Variants in MUC3A observed in about 807,000 individuals in gnomAD.
MUC3A encodes mucin 3A, cell surface associated.
A neutral mutation model predicts 109.0 loss-of-function variants in MUC3A; 109 were observed. The observed-to-expected ratio is 1.00, with a 90% CI of 0.86 to 1.17. The LOEUF (loss-of-function observed/expected upper bound fraction) is 1.17, where lower values mean the gene tolerates loss of function less well. Among genes scored for constraint, MUC3A ranks in the 50% most tolerant of loss-of-function variants. The pLI is 0.00. For missense variants in MUC3A, 3,537 were observed against 2,469.4 expected, an observed-to-expected ratio of 1.43 and a Z score of -9.16; for synonymous variants, 1,398 against 981.4, an observed-to-expected ratio of 1.42 and a Z score of -7.93.
Position 100,966,381 on chromosome 7 carries a change from C to G in MUC3A, c.9612-5C>G, listed in dbSNP as rs1193500021. ...AAGAGGGTCTGACCCTGCGATCTCC[C>G]GCAGCTGCTACTCCACCGACACGCA... On this transcript the variant is annotated splice_polypyrimidine_tract_variant and splice_region_variant and intron_variant, in intron 8 of 11. Coordinates refer to ENST00000379458, the MANE Select transcript of MUC3A (RefSeq NM_005960.2). 2 of 1,328,634 alleles carry G rather than the reference C, an allele frequency of 1.5e-6. No individual in the cohort carries two copies. The highest frequency in any genetic ancestry group is 1.5e-5 in the African/African-American group (1 of 66,602). 82.3% of individuals were successfully genotyped at this position (1,328,634 alleles called of 1,614,324 possible).
chr7:100,964,039 G>C (rs1792434961), intron 5 of MUC3A: 3 of 588,300 alleles, frequency 5.1e-6, no homozygotes, highest in East Asian at 2.9e-5. Context: ...GCTGGCCCCT[G>C]CTCTACTGAG....
intron 8 of MUC3A, 167 bp downstream of exon 8, chr7:100,966,033 C>T: frequency 2.5e-6 from 2 of 803,982 alleles, no homozygotes; most frequent in Non-Finnish European, 3.2e-6. Context: ...GGAGCCCTGC[C>T]CTGGAGCTCT....
chr7:100,960,847 A>T lies in MUC3A; in HGVS notation c.8962A>T (p.Asn2988Tyr), dbSNP rs371172036. Residue 2988 changes from asparagine to tyrosine, a missense_variant, in exon 3 of 12, where the codon AAT becomes TAT. By Grantham distance (143) the Asn-to-Tyr change is moderately radical. Coordinates refer to ENST00000379458, the MANE Select transcript of MUC3A (RefSeq NM_005960.2). ...CTGTCAGCTCCAGACCAGATGCCAG[A>T]ATGGGGGTCAGTGGGATGGCCTCAA... ...DRCQLQTRCQ[N>Y]GGQWDGLKCQ... 6.3e-7 allele frequency: 1 copy of T among 1,598,414 alleles called. No individual in the cohort carries two copies. Among genetic ancestry groups the T allele is most frequent in the Non-Finnish European group, 8.5e-7 (1 of 1,179,812 alleles).
At chr7:100,963,948 T>G in intron 5 of MUC3A, 196 bp downstream of exon 5, 1 of 718,882 alleles carries the variant, frequency 1.4e-6, no homozygotes, top group Non-Finnish European at 2.3e-6. Context: ...GGCACCTCTC[T>G]TCTTCAGCAC....
chr7:100,960,802 C>G lies in MUC3A; in HGVS notation c.8917C>G (p.Pro2973Ala). 1 of 1,598,532 alleles carries G rather than the reference C, an allele frequency of 6.3e-7. No individual in the cohort carries two copies. The highest frequency in any genetic ancestry group is 8.5e-7 in the Non-Finnish European group (1 of 1,179,816). Residue 2973 changes from proline (P) to alanine (A), a missense_variant, in exon 3 of 12, where the codon CCG (proline) becomes GCG (alanine). Coordinates refer to ENST00000379458, the MANE Select transcript of MUC3A (RefSeq NM_005960.2). ...TWEQGQCACL[P>A]GFSGDRCQLQ... ...GGAACAGGGCCAGTGTGCTTGCCTT[C>G]CGGGGTTTTCTGGGGACCGCTGTCA...
Position 100,958,927 on chromosome 7 carries a change from A to T in MUC3A, c.7148A>T (p.Glu2383Val). The T allele has an allele frequency of 5.9e-6, 9 of 1,533,008 alleles. No homozygotes were observed. Among genetic ancestry groups the T allele is most frequent in the South Asian group, 1.1e-5 (1 of 88,234 alleles). The allele number at this position is 1,533,008 out of a possible 1,614,324, so 95.0% of individuals were successfully genotyped here. A position where few individuals can be genotyped will look rare whatever the true frequency, so the allele number is the denominator to read the frequency against. Residue 2383 changes from glutamate to valine, a missense_variant, in exon 2 of 12, where the codon GAG becomes GTG. Glu to Val is a moderately radical substitution (Grantham distance 121, BLOSUM62 -2). Coordinates refer to ENST00000379458, the MANE Select transcript of MUC3A (RefSeq NM_005960.2). ...PSFSSSITTT[E>V]TPLHSTPGLT... The stretch of plus-strand genomic sequence containing the variant: ...TTCAGTTCTTCAATCACCACCACTG[A>T]GACCCCCTTACACAGTACTCCTGGC...
rs894613237 is a variant in MUC3A, at chr7:100,967,750, C to G, written c.*588C>G. On this transcript the variant is annotated 3_prime_UTR_variant, in exon 12 of 12. Coordinates refer to ENST00000379458, the MANE Select transcript of MUC3A (RefSeq NM_005960.2). ...TCCCCTTTTGACCCCGTTCCTTCATCCATCCTGCACCCCAGTCCCCCAGCC... is the reference window on the plus strand; with the variant it reads ...TCCCCTTTTGACCCCGTTCCTTCATGCATCCTGCACCCCAGTCCCCCAGCC... 3.2e-5 allele frequency: 6 copies of G among 187,204 alleles called. No individual in the cohort carries two copies. Among genetic ancestry groups the G allele is most frequent in the Non-Finnish European group, 5.6e-5 (5 of 89,854 alleles). 11.6% of individuals were successfully genotyped at this position (187,204 alleles called of 1,614,324 possible).
rs1241436237 is a variant in MUC3A at position 100,960,346 on chromosome 7, C to T, written c.8567C>T (p.Pro2856Leu). Residue 2856 changes from proline (P) to leucine (L), a missense_variant, in exon 2 of 12, where the codon CCC becomes CTC. Transcript: ENST00000379458. ...ASSSTGTGTVPTNTVFTSTRL... is the reference protein window; with the variant it reads ...ASSSTGTGTVLTNTVFTSTRL... ...AGTTCCACTGGCACTGGGACTGTAC[C>T]CACAAACACAGTTTTCACAAGTACT... is the stretch of plus-strand genomic sequence containing the variant. The T allele has an allele frequency of 2.5e-6, 4 of 1,598,430 alleles. No homozygotes were observed. The African/African-American group carries it at 4.0e-5, about 16-fold the overall frequency.
At position 100,957,628 on chromosome 7, in the gene MUC3A, C is replaced by T; in HGVS notation, c.5849C>T (p.Thr1950Ile). 1 of 1,564,510 alleles carries T rather than the reference C, an allele frequency of 6.4e-7. No individual in the cohort carries two copies. Among genetic ancestry groups the T allele is most frequent in the Non-Finnish European group, 8.6e-7 (1 of 1,162,468 alleles). Residue 1950 changes from threonine (T) to isoleucine (I), a missense_variant, in exon 2 of 12, where the codon ACC becomes ATC. Thr to Ile is a moderately conservative substitution (Grantham distance 89). Transcript: ENST00000379458. ...RFTSSITNTKTTSHSSPSFTS... is the reference protein window; with the variant it reads ...RFTSSITNTKITSHSSPSFTS... ...ACTTCTTCAATCACCAATACCAAGACCACCTCACACAGCTCTCCCAGCTTC... is the reference window on the plus strand; with the variant it reads ...ACTTCTTCAATCACCAATACCAAGATCACCTCACACAGCTCTCCCAGCTTC...
chr7:100,950,210 C>T (rs1170607561), intron 1 of MUC3A, among the ~76,000 whole-genome samples: 9 of 152,300 alleles, frequency 5.9e-5, no homozygotes, highest in African/African-American at 1.9e-4. Context: ...CCGTCACTCT[C>T]TTACCCCGGC....
chr7:100,959,735 C>G lies in MUC3A; in HGVS notation c.7956C>G (p.Leu2652=), dbSNP rs1792250634. 1.9e-6 allele frequency: 3 copies of G among 1,598,512 alleles called. No homozygotes were observed. Among genetic ancestry groups the G allele is most frequent in the Non-Finnish European group, 2.5e-6 (3 of 1,179,796 alleles). ...TPSTPSLQTS[L]TSTSEFTTES... ...CTACTCCCTCATTGCAAACTTCACT[C>G]ACATCTACAAGTGAGTTCACTACAG... Residue 2652 remains leucine (L), a synonymous_variant, in exon 2 of 12, where the codon CTC becomes CTG. Coordinates refer to ENST00000379458, the MANE Select transcript of MUC3A (RefSeq NM_005960.2).
chr7:100,964,191 C>G (rs1312212445), intron 5 of MUC3A: 12 of 277,412 alleles, frequency 4.3e-5, no homozygotes, highest in African/African-American at 2.4e-4. Flanking sequence ...AATCCTAGCA[C>G]TTTGGGTAGG....
rs780303854 is a variant in MUC3A, at chr7:100,959,820, A to C, written c.8041A>C (p.Ile2681Leu). ...NAILTSFSTIIWSSTPTIIMS... is the reference protein window; with the variant it reads ...NAILTSFSTILWSSTPTIIMS... ...AATCTTGACTTCTTTTAGTACCATC[A>C]TCTGGTCCTCAACACCCACTATTAT... Residue 2681 changes from isoleucine (I) to leucine (L), a missense_variant, in exon 2 of 12, where the codon ATC (isoleucine) becomes CTC (leucine). Transcript: ENST00000379458. 1.3e-6 allele frequency: 2 copies of C among 1,584,942 alleles called. No homozygotes were observed. The highest frequency in any genetic ancestry group is 1.7e-6 in the Non-Finnish European group (2 of 1,173,144).
chr7:100,959,534 G>A lies in MUC3A; in HGVS notation c.7755G>A (p.Thr2585=), dbSNP rs573246056. ...ETPTQTPPVL[T]SATGTQTSPA... ...CAACACAGACCCCTCCTGTACTGAC[G>A]TCAGCCACTGGGACCCAAACATCTC... The change falls in exon 2 of 12, where the codon ACG becomes ACA. Residue 2585 remains threonine, a synonymous_variant. Coordinates refer to ENST00000379458, the MANE Select transcript of MUC3A (RefSeq NM_005960.2). The A allele has an allele frequency of 5.2e-5, 82 of 1,590,358 alleles. No homozygotes were observed. The African/African-American group carries it at 9.2e-4, about 18-fold the overall frequency.
intron 8 of MUC3A, chr7:100,966,175 C>A: frequency 1.9e-6 from 1 of 538,382 alleles, no homozygotes; most frequent in South Asian, 7.1e-5. Flanking sequence ...GAGCCCTGCC[C>A]ACTTGATCTA....
At chr7:100,963,786 T>C (rs1245429849) in intron 5 of MUC3A, 34 bp downstream of exon 5, 7 of 1,598,226 alleles carry the variant, frequency 4.4e-6, no homozygotes, top group African/African-American at 4.0e-5. Flanking sequence ...GGAGGCGGTG[T>C]TGGGTGGGGG....
At chr7:100,964,547 C>T (rs1792456095) in intron 5 of MUC3A, 148 bp from the exon 6 acceptor site, 1 of 1,317,366 alleles carries the variant, frequency 7.6e-7, no homozygotes, top group South Asian at 1.7e-5. Context: ...GCTGGCAGCC[C>T]CTTCTGAAAA....
In MUC3A at chr7:100,957,697, C is replaced by T. The variant is rs1792138372; in HGVS notation, c.5918C>T (p.Pro1973Leu). The T allele has an allele frequency of 2.1e-6, 3 of 1,414,162 alleles. No individual in the cohort carries two copies. Among genetic ancestry groups the T allele is most frequent in the East Asian group, 2.3e-5 (1 of 43,290 alleles). 87.6% of individuals were successfully genotyped at this position (1,414,162 alleles called of 1,614,324 possible). ...TTTETTSHNT[P>L]SLTSSITTTK... ...ACCGAGACCACATCCCACAATACTC[C>T]CAGCCTCACTTCTTCAATCACCACC... Residue 1973 changes from proline to leucine, a missense_variant, in exon 2 of 12, where the codon CCC (proline) becomes CTC (leucine). Physicochemically the swap from Pro to Leu is moderately conservative, Grantham distance 98. Transcript: ENST00000379458.
rs764137153 is a variant in MUC3A, at chr7:100,960,047, C to T, written c.8268C>T (p.Thr2756=). Residue 2756 remains threonine, a synonymous_variant, in exon 2 of 12, where the codon ACC becomes ACT. Coordinates refer to ENST00000379458, the MANE Select transcript of MUC3A (RefSeq NM_005960.2). ...TGACCACAGCTCTCACTGAAATAAC[C>T]CCCTTTTCTTATATTTCCCTTCCCT... The part of the protein sequence containing the change: ...SSLTTALTEI[T]PFSYISLPST... 2 of 1,510,148 alleles carry T rather than the reference C, an allele frequency of 1.3e-6. No individual in the cohort carries two copies. The highest frequency in any genetic ancestry group is 1.8e-6 in the Non-Finnish European group (2 of 1,140,430). 93.5% of individuals were successfully genotyped at this position (1,510,148 alleles called of 1,614,324 possible). A position where few individuals can be genotyped will look rare whatever the true frequency, so the allele number is the denominator to read the frequency against.
Sources: gnomAD v4.1 joint callset for allele counts (sites outside exome capture counted in the v4.1 genomes callset) on GRCh38, gnomAD v4.1.1 for gene constraint, MANE v1.5 for transcripts, NCBI Gene and HGNC (gene_info 2026-07-23, HGNC 2026-07-21) for gene names.